Variants in KCTD1 observed in about 807,000 individuals in gnomAD.
The protein encoded by KCTD1 is potassium channel tetramerization domain containing 1.
Under a neutral mutation model 66.0 loss-of-function variants are expected in KCTD1, and 24 were observed. The observed-to-expected ratio is 0.36, with a 90% CI of 0.26 to 0.51. The LOEUF is 0.51. Ranked by LOEUF, KCTD1 falls within the 20% of genes least tolerant of loss-of-function variation. KCTD1 has a pLI of 0.95. For synonymous variants in KCTD1, 511 were observed against 517.2 expected (o/e 0.99, Z 0.16); for missense variants, 943 against 1,205.2 (o/e 0.78, Z 3.22).
intron 1 of KCTD1, among the ~76,000 whole-genome samples, chr18:26,503,828 C>T (rs1287705730): frequency 2.2e-5 from 3 of 134,016 alleles, no homozygotes; most frequent in Non-Finnish European, 4.6e-5. Flanking sequence ...TAAAATTAAA[C>T]CAGTGTTTCT....
chr18:26,545,328 A>G (rs1420675947), intron 1 of KCTD1: 4 of 152,188 alleles, frequency 2.6e-5, no homozygotes, highest in Non-Finnish European at 5.9e-5. Flanking sequence ...TCTCCTCTCC[A>G]TTCTTAAAAT....
chr18:26,498,540 A>G (rs988109731), intron 2 of KCTD1, among the ~76,000 whole-genome samples: 2 of 151,512 alleles, frequency 1.3e-5, no homozygotes, highest in African/African-American at 4.9e-5. Context: ...TTAACTCAAC[A>G]TATTATCATT....
At chr18:26,574,806 T>G (rs1412002943) in intron 1 of KCTD1, among the ~76,000 whole-genome samples, 1 of 152,206 alleles carries the variant, frequency 6.6e-6, no homozygotes, top group Non-Finnish European at 1.5e-5. Flanking sequence ...AGTAATTATG[T>G]TAGATAGCTT....
At chr18:26,534,457 C>T (rs1984593929) in intron 1 of KCTD1, among the ~76,000 whole-genome samples, 1 of 152,064 alleles carries the variant, frequency 6.6e-6, no homozygotes, top group African/African-American at 2.4e-5. Flanking sequence ...CATCTCCATA[C>T]TTCTGCCTGT....
intron 1 of KCTD1, among the ~76,000 whole-genome samples, chr18:26,600,566 G>A (rs559892024): frequency 6.6e-6 from 1 of 152,188 alleles, no homozygotes; most frequent in African/African-American, 2.4e-5. Flanking sequence ...TACTCAGCAC[G>A]GGATGGGTTT....
intron 1 of KCTD1, among the ~76,000 whole-genome samples, chr18:26,519,623 ATTAT>A (rs1405704152): frequency 6.6e-6 from 1 of 152,238 alleles, no homozygotes; most frequent in African/African-American, 2.4e-5. Context: ...CATCACTGGA[ATTAT>A]TTCATCTGCC....
chr18:26,620,294 G>C (rs1245449133), intron 1 of KCTD1, among the ~76,000 whole-genome samples: 1 of 139,364 alleles, frequency 7.2e-6, no homozygotes, highest in Non-Finnish European at 1.5e-5. Context: ...CCAGGGAGCT[G>C]TCCTTATGAA....
upstream of KCTD1, among the ~76,000 whole-genome samples, chr18:26,644,582 AC>A (rs562948946): frequency 1.3e-5 from 2 of 151,974 alleles, no homozygotes; most frequent in Non-Finnish European, 2.9e-5. Context: ...AAATGGTGAA[AC>A]CCTGTCTCTA....
intron 1 of KCTD1, among the ~76,000 whole-genome samples, chr18:26,503,046 G>A: frequency 6.6e-6 from 1 of 152,332 alleles, no homozygotes; most frequent in South Asian, 2.1e-4. Flanking sequence ...TGTGAATGGG[G>A]TGGTGACTGG....
intron 2 of KCTD1, among the ~76,000 whole-genome samples, chr18:26,482,155 C>T (rs1300952347): frequency 6.6e-6 from 1 of 152,226 alleles, no homozygotes; most frequent in Non-Finnish European, 1.5e-5. Flanking sequence ...GCACAATGGT[C>T]AACTTCAAGC....
At chr18:26,590,535 G>A (rs1176475086) in intron 1 of KCTD1, among the ~76,000 whole-genome samples, 3 of 152,040 alleles carry the variant, frequency 2.0e-5, no homozygotes, top group Non-Finnish European at 4.4e-5. Context: ...ACCTTAAAAC[G>A]TATGGTTGTT....
At chr18:26,549,198 T>C, upstream of KCTD1, 1 of 985,312 alleles carries the variant, frequency 1.0e-6, no homozygotes, top group African/African-American at 1.8e-5. Flanking sequence ...CGGGCGAGGC[T>C]TGGGAGCGGG....
intron 3 of KCTD1, among the ~76,000 whole-genome samples, chr18:26,465,004 G>C (rs950211309): frequency 6.6e-6 from 1 of 152,192 alleles, no homozygotes; most frequent in Non-Finnish European, 1.5e-5. Context: ...ATGGAGGTTG[G>C]GGGAGTGGCC....
intron 2 of KCTD1, among the ~76,000 whole-genome samples, chr18:26,494,853 C>T (rs1982387052): frequency 6.6e-6 from 1 of 152,008 alleles, no homozygotes; most frequent in South Asian, 2.1e-4. Flanking sequence ...AACTGTTCAT[C>T]ATTTTATGCG....
rs867012187 is a variant in KCTD1 at position 26,514,329 on chromosome 18, G to A, written c.1810-13079C>T. 2.0e-5 allele frequency among the ~76,000 whole-genome samples: 3 copies of A among 152,092 alleles called. No individual in the cohort carries two copies. In the South Asian group the frequency reaches 6.2e-4, roughly 32 times the overall value. ...GTGACTTGGGAGGCTGAAGTAGGAG[G>A]GCTGCTTGCGGCCAGGAGTTCGAGA... is the stretch of plus-strand genomic sequence containing the variant. On this transcript the variant is annotated intron_variant, in intron 1 of 4. Transcript: ENST00000580059.
chr18:26,534,046 T>C (rs1046258450), intron 1 of KCTD1, among the ~76,000 whole-genome samples: 4 of 152,168 alleles, frequency 2.6e-5, no homozygotes, highest in Non-Finnish European at 5.9e-5. Flanking sequence ...ATAAGTACAC[T>C]GCTTATAATT....
intron 1 of KCTD1, chr18:26,599,712 T>C: frequency 1.3e-6 from 2 of 1,529,194 alleles, no homozygotes; most frequent in Non-Finnish European, 1.8e-6. Context: ...GAGACAGCTG[T>C]AGATAACAAT....
At chr18:26,613,618 A>T (rs187381320) in intron 1 of KCTD1, among the ~76,000 whole-genome samples, 1 of 152,360 alleles carries the variant, frequency 6.6e-6, no homozygotes, top group East Asian at 1.9e-4. Flanking sequence ...GCTAAAACAT[A>T]CACAAGAAAC....
At chr18:26,576,112 GAGT>G (rs1227450824) in intron 1 of KCTD1, among the ~76,000 whole-genome samples, 1 of 152,176 alleles carries the variant, frequency 6.6e-6, no homozygotes, top group African/African-American at 2.4e-5. Flanking sequence ...GCTTCAGTAG[GAGT>G]AGATGTCCCT....
Sources: gnomAD v4.1 joint callset for allele counts (sites outside exome capture counted in the v4.1 genomes callset) on GRCh38, gnomAD v4.1.1 for gene constraint, MANE v1.5 for transcripts, NCBI Gene and HGNC (gene_info 2026-07-23, HGNC 2026-07-21) for gene names.